RTTN: variants seen among roughly 807,000 people sequenced by gnomAD.
RTTN encodes the protein rotatin.
In RTTN, 182 loss-of-function variants were observed where a neutral mutation model predicts 269.2. That is an observed-to-expected ratio of 0.68 (90% CI 0.60 to 0.76). The LOEUF is 0.76. Ranked by LOEUF, RTTN falls within the 30% of genes least tolerant of loss-of-function variation. The pLI, the probability that RTTN is intolerant of heterozygous loss-of-function variation, is 0.00. For missense variants in RTTN, 2,545 were observed against 2,608.6 expected, an observed-to-expected ratio of 0.98 and a Z score of 0.53; for synonymous variants, 1,006 against 963.5, an observed-to-expected ratio of 1.04 and a Z score of -0.82.
In RTTN at chr18:70,192,370, G is replaced by A. The variant is rs1029854434; in HGVS notation, c.1007+918C>T. 3.3e-5 allele frequency among the ~76,000 whole-genome samples: 5 copies of A among 152,246 alleles called. No homozygotes were observed. In the East Asian group the frequency reaches 9.7e-4, roughly 29 times the overall value. On this transcript the variant is annotated intron_variant, in intron 8 of 48. Coordinates refer to ENST00000640769, the MANE Select transcript of RTTN (RefSeq NM_173630.4). Reference sequence around the variant, plus strand: ...ACCAATCCTTTTAAGCAGAGTTGGTGTATGAAAATCTGGGTGCCAAGCACT... The same window carrying A: ...ACCAATCCTTTTAAGCAGAGTTGGTATATGAAAATCTGGGTGCCAAGCACT...
At chr18:70,146,159 A>G (rs1207631718) in intron 17 of RTTN, among the ~76,000 whole-genome samples, 1 of 152,224 alleles carries the variant, frequency 6.6e-6, no homozygotes, top group Non-Finnish European at 1.5e-5. Flanking sequence ...CCACAGTCCA[A>G]ATGTTAAGTT....
intron 1 of RTTN, 123 bp downstream of exon 1, chr18:70,205,505 C>CA (rs2062055667): frequency 2.8e-6 from 4 of 1,424,016 alleles, no homozygotes; most frequent in Non-Finnish European, 3.9e-6. Context: ...GCTATCCTGA[C>CA]AAAGCGGGGG....
At chr18:70,040,672 C>T (rs1439450087) in intron 40 of RTTN, among the ~76,000 whole-genome samples, 3 of 152,236 alleles carry the variant, frequency 2.0e-5, no homozygotes, top group Admixed American at 2.0e-4. Context: ...GCAGAATACA[C>T]ATTCTTCTCC....
At chr18:70,085,282 A>T (rs1437269090) in intron 32 of RTTN, among the ~76,000 whole-genome samples, 1 of 152,188 alleles carries the variant, frequency 6.6e-6, no homozygotes, top group Non-Finnish European at 1.5e-5. Context: ...TCAGAAGGCA[A>T]TGTTAAAGAA....
chr18:70,020,669 A>G lies in RTTN; in HGVS notation c.6099T>C (p.Phe2033=), dbSNP rs1307522992. 1.2e-6 allele frequency: 2 copies of G among 1,613,944 alleles called. No homozygotes were observed. Among genetic ancestry groups the G allele is most frequent in the Non-Finnish European group, 1.7e-6 (2 of 1,179,936 alleles). ...ACAAGGCCAGGTTTGAAAGAAGCATAAAAACCATCTGCTGAACCGTGGTGT... is the reference window on the plus strand; with the variant it reads ...ACAAGGCCAGGTTTGAAAGAAGCATGAAAACCATCTGCTGAACCGTGGTGT... ...LENTTVQQMV[F]MLLSNLALSH... Residue 2033 remains phenylalanine (F), a synonymous_variant, in exon 45 of 49, where the codon TTT becomes TTC. Transcript: ENST00000640769.
intron 10 of RTTN, among the ~76,000 whole-genome samples, chr18:70,184,714 T>TGTGTGTGTGTGTGTG (rs1195408237): frequency 1.3e-4 from 7 of 53,478 alleles, no homozygotes; most frequent in African/African-American, 3.5e-4. Flanking sequence ...TTTTTTTTTT[T>TGTGTGTGTGTGTGTG]TTTGTGTGTG....
At chr18:70,042,801 C>G (rs188237488) in intron 40 of RTTN, among the ~76,000 whole-genome samples, 1 of 152,130 alleles carries the variant, frequency 6.6e-6, no homozygotes, top group East Asian at 1.9e-4. Flanking sequence ...TATGTAAGGG[C>G]GATAAAAGAC....
intron 34 of RTTN, 146 bp downstream of exon 34, chr18:70,073,760 A>G (rs1415666777): frequency 1.0e-5 from 6 of 575,482 alleles, no homozygotes; most frequent in Admixed American, 5.8e-5. Flanking sequence ...CTTGAATACA[A>G]TAATTTAGCA....
chr18:70,189,639 T>TGAC lies in RTTN; in HGVS notation c.1189+896_1189+898dup, dbSNP rs1315498635. 2.6e-5 allele frequency among the ~76,000 whole-genome samples: 4 copies of TGAC among 152,344 alleles called. No homozygotes were observed. The East Asian group carries it at 7.7e-4, about 29-fold the overall frequency. On this transcript the variant is annotated intron_variant, in intron 9 of 48. Transcript: ENST00000640769. ...GTTCAAGTCCCTGCTTTTAGCCGTT[T>TGAC]GACTTCAGGCAAGTTTCTAAACCAC...
chr18:70,066,167 C>T (rs1052487014), intron 34 of RTTN, among the ~76,000 whole-genome samples: 22 of 152,004 alleles, frequency 1.4e-4, no homozygotes, highest in African/African-American at 5.1e-4. Flanking sequence ...TGACTTCAGG[C>T]CCATTTAGGA....
chr18:70,198,276 T>C (rs2061860785), intron 5 of RTTN, among the ~76,000 whole-genome samples: 1 of 152,066 alleles, frequency 6.6e-6, no homozygotes, highest in Non-Finnish European at 1.5e-5. Flanking sequence ...CCCAAAAAAA[T>C]CACACCCCTT....
chr18:70,084,112 A>C (rs531245630), intron 32 of RTTN, among the ~76,000 whole-genome samples: 1 of 152,234 alleles, frequency 6.6e-6, no homozygotes, highest in African/African-American at 2.4e-5. Context: ...GAGGAAAAGG[A>C]GTAGTAATTA....
chr18:70,066,034 T>C (rs918896198), intron 34 of RTTN, 112 bp from the exon 35 acceptor site: 2 of 558,396 alleles, frequency 3.6e-6, no homozygotes, highest in Non-Finnish European at 6.0e-6. Flanking sequence ...AAAATTATAC[T>C]AGTTAGGATA....
intron 28 of RTTN, among the ~76,000 whole-genome samples, chr18:70,094,358 C>T (rs1397731006): frequency 6.6e-6 from 1 of 152,020 alleles, no homozygotes; most frequent in Non-Finnish European, 1.5e-5. Flanking sequence ...AATTTGTTTG[C>T]CATTGCTTCT....
intron 21 of RTTN, 84 bp downstream of exon 21, chr18:70,139,515 A>G (rs1289301670): frequency 8.5e-6 from 7 of 821,376 alleles, no homozygotes; most frequent in Non-Finnish European, 1.4e-5. Context: ...TAGTAAAATA[A>G]AAAGTAAATG....
chr18:70,139,646 C>A lies in RTTN; in HGVS notation c.2741G>T (p.Arg914Leu), dbSNP rs1445835378. 1.2e-6 allele frequency: 2 copies of A among 1,613,430 alleles called. No homozygotes were observed. The highest frequency in any genetic ancestry group is 2.2e-5 in the East Asian group (1 of 44,848). Reference sequence around the variant, plus strand: ...AGAAGACTGTTGCGAGAGCGAAACACGCATGACTGGATCACCACATAAAAC... The same window carrying A: ...AGAAGACTGTTGCGAGAGCGAAACAAGCATGACTGGATCACCACATAAAAC... ...RKVLCGDPVM[R>L]VSLSQQSSLL... The change falls in exon 21 of 49, where the codon CGT becomes CTT. Residue 914 changes from arginine (R) to leucine (L), a missense_variant. By Grantham distance (102) the Arg-to-Leu change is moderately radical. Transcript: ENST00000640769.
At chr18:70,049,891 T>G (rs899663691) in intron 39 of RTTN, among the ~76,000 whole-genome samples, 4 of 152,210 alleles carry the variant, frequency 2.6e-5, no homozygotes, top group Non-Finnish European at 5.9e-5. Flanking sequence ...ATGAGAAAGT[T>G]ATTTGTATCC....
At chr18:70,037,306 G>A (rs1478159558) in intron 40 of RTTN, among the ~76,000 whole-genome samples, 1 of 152,186 alleles carries the variant, frequency 6.6e-6, no homozygotes, top group East Asian at 1.9e-4. Flanking sequence ...AGCTAAGGGA[G>A]GCCTTACACC....
At chr18:70,193,218 CT>C in intron 8 of RTTN, 69 bp downstream of exon 8, 1 of 1,327,666 alleles carries the variant, frequency 7.5e-7, no homozygotes, top group East Asian at 2.5e-5. Context: ...TAATTATCTC[CT>C]TCTGAAATTA....
Sources: allele counts gnomAD v4.1 joint callset (sites outside exome capture counted in the v4.1 genomes callset), GRCh38; gene constraint gnomAD v4.1.1; transcripts MANE v1.5; gene names NCBI Gene and HGNC (gene_info 2026-07-23, HGNC 2026-07-21).